Variants in CFAP20DC observed in about 807,000 individuals in gnomAD.
CFAP20DC encodes the protein protein CFAP20DC.
A neutral mutation model predicts 101.7 loss-of-function variants in CFAP20DC; 84 were observed. The ratio of observed to expected loss-of-function variants is 0.83; its 90% CI spans 0.69 to 0.99. CFAP20DC has a LOEUF of 0.99. Ranked by LOEUF, CFAP20DC falls within the 50% of genes least tolerant of loss-of-function variation. The pLI, the probability that CFAP20DC is intolerant of heterozygous loss-of-function variation, is 0.00. For synonymous variants in CFAP20DC, 359 were observed against 351.2 expected, an observed-to-expected ratio of 1.02 and a Z score of -0.25; for missense variants, 1,007 against 970.3, an observed-to-expected ratio of 1.04 and a Z score of -0.50.
intron 15 of CFAP20DC, among the ~76,000 whole-genome samples, chr3:58,754,518 C>T (rs192970901): frequency 2.6e-4 from 40 of 152,234 alleles, no homozygotes; most frequent in African/African-American, 9.6e-4. Flanking sequence ...CTACTTTAAG[C>T]CCTTCTCATC....
intron 3 of CFAP20DC, among the ~76,000 whole-genome samples, chr3:59,043,323 GT>G (rs1699565391): frequency 6.6e-6 from 1 of 152,088 alleles, no homozygotes; most frequent in Non-Finnish European, 1.5e-5. Context: ...AAAACTAGGA[GT>G]ATGGACATCT....
chr3:58,739,670 A>C (rs902631434), downstream of CFAP20DC, among the ~76,000 whole-genome samples: 5 of 152,242 alleles, frequency 3.3e-5, no homozygotes, highest in African/African-American at 1.2e-4. Context: ...ACCTGAAACT[A>C]AGCAAGTTAG....
intron 15 of CFAP20DC, among the ~76,000 whole-genome samples, chr3:58,804,559 C>T (rs993308054): frequency 7.9e-5 from 12 of 152,146 alleles, no homozygotes; most frequent in African/African-American, 2.9e-4. Context: ...GATGTGGTTT[C>T]ACCATGTTGG....
intron 6 of CFAP20DC, among the ~76,000 whole-genome samples, chr3:58,898,163 T>G (rs2082825788): frequency 6.6e-6 from 1 of 151,984 alleles, no homozygotes; most frequent in Non-Finnish European, 1.5e-5. Flanking sequence ...CTTGGTCTAT[T>G]CTGTTACTGA....
intron 14 of CFAP20DC, among the ~76,000 whole-genome samples, chr3:58,815,519 A>G (rs1046775401): frequency 6.0e-5 from 9 of 150,868 alleles, no homozygotes; most frequent in African/African-American, 2.2e-4. Flanking sequence ...GGATCTAATT[A>G]AACTAAAGAC....
At chr3:58,902,821 A>AC (rs2083262643) in intron 6 of CFAP20DC, among the ~76,000 whole-genome samples, 4 of 152,112 alleles carry the variant, frequency 2.6e-5, no homozygotes, top group African/African-American at 7.2e-5. Context: ...TACCTACAAT[A>AC]CCTAATACAA....
chr3:58,794,304 C>A (rs1299054008), intron 15 of CFAP20DC: 1 of 454,586 alleles, frequency 2.2e-6, no homozygotes, highest in African/African-American at 2.0e-5. Flanking sequence ...TCTGATTTGT[C>A]TTAATGGATG....
At chr3:58,922,040 G>A (rs2085437394) in intron 5 of CFAP20DC, among the ~76,000 whole-genome samples, 1 of 152,026 alleles carries the variant, frequency 6.6e-6, no homozygotes, top group Non-Finnish European at 1.5e-5. Flanking sequence ...GTATTTGCAT[G>A]GTATATCATC....
intron 14 of CFAP20DC, among the ~76,000 whole-genome samples, chr3:58,818,696 A>T (rs1170092625): frequency 3.1e-4 from 39 of 126,320 alleles, no homozygotes; most frequent in African/African-American, 1.2e-3. Flanking sequence ...ATAATGGGAG[A>T]CTTTAACACC....
intron 4 of CFAP20DC, among the ~76,000 whole-genome samples, chr3:59,029,953 G>T (rs571808018): frequency 1.3e-5 from 2 of 152,294 alleles, no homozygotes; most frequent in Admixed American, 6.5e-5. Flanking sequence ...GCTGTTGCTG[G>T]TTATCAAGCC....
rs967556283 is a variant in CFAP20DC at position 58,721,240 on chromosome 3, G to A, written c.198-3612C>T. Among the ~76,000 whole-genome samples the A allele has an allele frequency of 3.3e-5, 5 of 152,238 alleles. 1 individual carries two copies. The highest frequency in any genetic ancestry group is 4.1e-4 in the South Asian group (2 of 4,824). On this transcript the variant is annotated intron_variant, in intron 3 of 3. Transcript: ENST00000486145. The surrounding 1 kb of genome is among the most constrained non-coding windows in gnomAD (Gnocchi z 5.2). ...AGGTACTCAATCACTATATAAATAT[G>A]TTCCAACACGTTTATTAAACACCTT... is the stretch of plus-strand genomic sequence containing the variant.
At position 58,874,875 on chromosome 3, in the gene CFAP20DC, T is replaced by G. The variant is rs1309372326; in HGVS notation, c.716-4566A>C. On this transcript the variant is annotated intron_variant, in intron 7 of 16. Transcript: ENST00000482387. The surrounding 1 kb of genome is among the most constrained non-coding windows in gnomAD (Gnocchi z 5.1). ...GAACTGCCAGCACCTAGCCCAGTGC[T>G]TGACACAGAATAGGCACATAATAGT... 6.6e-6 allele frequency among the ~76,000 whole-genome samples: 1 copy of G among 152,180 alleles called. No individual in the cohort carries two copies. Among genetic ancestry groups the G allele is most frequent in the African/African-American group, 2.4e-5 (1 of 41,432 alleles).
intron 4 of CFAP20DC, among the ~76,000 whole-genome samples, chr3:59,000,341 G>A (rs1402942171): frequency 3.9e-5 from 6 of 152,220 alleles, no homozygotes; most frequent in Admixed American, 6.5e-5. Context: ...CAGAGGTGTG[G>A]TGGTGAAGAA....
At chr3:58,967,582 T>TG (rs1227177770) in intron 4 of CFAP20DC, among the ~76,000 whole-genome samples, 1 of 152,128 alleles carries the variant, frequency 6.6e-6, no homozygotes, top group Admixed American at 6.6e-5. Context: ...ACCCATAGAA[T>TG]GGGAGGAAAT....
intron 4 of CFAP20DC, among the ~76,000 whole-genome samples, chr3:58,943,283 C>T (rs1178130419): frequency 6.6e-6 from 1 of 152,174 alleles, no homozygotes; most frequent in Admixed American, 6.5e-5. Context: ...CTGGGAGACA[C>T]CTCCCAGCAG....
At position 58,869,180 on chromosome 3, in the gene CFAP20DC, AT is replaced by A; in HGVS notation, c.1015+147del. ...AAGCTAATATAAGAATTTCAAATATATTTCAAAATCAACCACCCTTTTCATT... is the reference window on the plus strand; with the variant it reads ...AAGCTAATATAAGAATTTCAAATATATTCAAAATCAACCACCCTTTTCATT... On this transcript the variant is annotated intron_variant, in intron 9 of 16. Transcript: ENST00000482387. The surrounding 1 kb of genome is among the most constrained non-coding windows in gnomAD (Gnocchi z 4.3). 1 of 571,064 alleles carries A rather than the reference AT, an allele frequency of 1.8e-6. No individual in the cohort carries two copies. The highest frequency in any genetic ancestry group is 3.1e-5 in the East Asian group (1 of 32,180). 35.4% of individuals were successfully genotyped at this position (571,064 alleles called of 1,614,324 possible).
Position 58,971,864 on chromosome 3 carries a change from TACACAC to T in CFAP20DC, c.279-34108_279-34103del, listed in dbSNP as rs34030341. 9.1e-5 allele frequency among the ~76,000 whole-genome samples: 13 copies of T among 142,470 alleles called. No individual in the cohort carries two copies. Among genetic ancestry groups the T allele is most frequent in the African/African-American group, 2.5e-4 (10 of 39,478 alleles). The allele number at this position is 142,470 out of a possible 152,430, so 93.5% of individuals were successfully genotyped here. A position where few individuals can be genotyped will look rare whatever the true frequency, so the allele number is the denominator to read the frequency against. ...CTGTAATATCATACACACGCACACA[TACACAC>T]ACACACACACACACACACACACAAT... is the stretch of plus-strand genomic sequence containing the variant. On this transcript the variant is annotated intron_variant, in intron 4 of 16. Transcript: ENST00000482387. This position sits in a 1 kb window ranked among gnomAD's most constrained non-coding sequence, Gnocchi z 4.1.
rs373396484 is a variant in CFAP20DC, at chr3:58,863,625, T to C, written c.1526A>G (p.Asp509Gly). ...GGTGTCTCTGCTTGTCACACTGTTA[T>C]CCTCTTTTAGATCCAAAATAAATGA... ...ELSFILDLKE[D>G]NSVTSRDTQS... The change falls in exon 12 of 17, where the codon GAT becomes GGT. Residue 509 changes from aspartate (D) to glycine (G), a missense_variant. By Grantham distance (94) the Asp-to-Gly change is moderately conservative. Coordinates refer to ENST00000482387, the MANE Select transcript of CFAP20DC (RefSeq NM_001394063.1). This position sits in a 1 kb window ranked among gnomAD's most constrained non-coding sequence, Gnocchi z 5.9. 4.3e-6 allele frequency: 7 copies of C among 1,614,028 alleles called. No individual in the cohort carries two copies. The highest frequency in any genetic ancestry group is 3.3e-4 in the Middle Eastern group (2 of 6,084).
rs1188645512 is a variant in CFAP20DC at position 58,882,545 on chromosome 3, G to A, written c.715+2000C>T. Among the ~76,000 whole-genome samples the A allele has an allele frequency of 2.0e-5, 3 of 152,126 alleles. No homozygotes were observed. The highest frequency in any genetic ancestry group is 7.2e-5 in the African/African-American group (3 of 41,426). The stretch of plus-strand genomic sequence containing the variant: ...AAGTTATCATAGCATATTAGATACA[G>A]ATATAGCATTTGTTATAGAACACAC... On this transcript the variant is annotated intron_variant, in intron 7 of 16. Coordinates refer to ENST00000482387, the MANE Select transcript of CFAP20DC (RefSeq NM_001394063.1). The surrounding 1 kb of genome is among the most constrained non-coding windows in gnomAD (Gnocchi z 4.2).
Sources: gnomAD v4.1 joint callset for allele counts (sites outside exome capture counted in the v4.1 genomes callset) on GRCh38, gnomAD v4.1.1 for gene constraint, Gnocchi (gnomAD v3.1) non-coding constraint, MANE v1.5 for transcripts, NCBI Gene and HGNC (gene_info 2026-07-23, HGNC 2026-07-21) for gene names.